Variants in MED12L observed in about 807,000 individuals in gnomAD.
MED12L encodes mediator complex subunit 12L, also known as mediator of RNA polymerase II transcription subunit 12-like protein.
Under a neutral mutation model 281.3 loss-of-function variants are expected in MED12L, and 60 were observed. The ratio of observed to expected loss-of-function variants is 0.21; its 90% confidence interval spans 0.17 to 0.26. The LOEUF is 0.26. Among genes scored for constraint, MED12L ranks in the 10% least tolerant of loss-of-function variants. The pLI is 1.00. For synonymous variants in MED12L, 974 were observed against 987.2 expected, an observed-to-expected ratio of 0.99 and a Z score of 0.25; for missense variants, 2,146 against 2,680.9, an observed-to-expected ratio of 0.80 and a Z score of 4.41.
chr3:151,158,640 GT>G (rs758691545), intron 6 of MED12L, 48 bp from the exon 7 acceptor site: 39 of 1,296,504 alleles, frequency 3.0e-5, no homozygotes, highest in Admixed American at 2.8e-4. Context: ...TGCCTTTTTT[GT>G]TTTTTTTCTT....
chr3:151,328,587 GT>G (rs1560033985), intron 16 of MED12L: 4 of 1,613,394 alleles, frequency 2.5e-6, no homozygotes, highest in Admixed American at 1.7e-5. Context: ...GCAAAAACAG[GT>G]TTTTTTAGAA....
chr3:151,165,835 T>A lies in MED12L; in HGVS notation c.1358-11T>A. ...GGCCTCATTAACCACTTGTTTAATT[T>A]CTGCCTATAGGGGTGACTATTAGTC... On this transcript the variant is annotated splice_polypyrimidine_tract_variant and intron_variant, in intron 10 of 44. Transcript: ENST00000687756. 1 of 1,607,976 alleles carries A rather than the reference T, an allele frequency of 6.2e-7. No individual in the cohort carries two copies.
intron 43 of MED12L, among the ~76,000 whole-genome samples, chr3:151,422,448 G>C (rs187981155): frequency 6.6e-6 from 1 of 152,058 alleles, no homozygotes; most frequent in Non-Finnish European, 1.5e-5. Context: ...CTTTGGCATC[G>C]CTCGGCCCGT....
At chr3:151,432,378 A>G (rs529246705) in intron 44 of MED12L, among the ~76,000 whole-genome samples, 1 of 152,302 alleles carries the variant, frequency 6.6e-6, no homozygotes, top group Admixed American at 6.5e-5. Flanking sequence ...TTTCTTACCA[A>G]TTATGTGTTA....
At chr3:151,423,435 T>C (rs1425539843) in intron 43 of MED12L, among the ~76,000 whole-genome samples, 1 of 152,090 alleles carries the variant, frequency 6.6e-6, no homozygotes, top group Non-Finnish European at 1.5e-5. Context: ...AGTTTTTCTG[T>C]GAAAAGAGCA....
chr3:151,329,161 C>T (rs1412989704), intron 16 of MED12L, among the ~76,000 whole-genome samples: 2 of 152,188 alleles, frequency 1.3e-5, no homozygotes, highest in Non-Finnish European at 2.9e-5. Flanking sequence ...AAGGAAAATA[C>T]TGTTTTCTGG....
rs1232768553 is a variant in MED12L at position 151,435,870 on chromosome 3, T to TAAAG, written c.*3069_*3072dup. 4.0e-5 allele frequency: 6 copies of TAAAG among 151,798 alleles called. No individual in the cohort carries two copies. Among genetic ancestry groups the TAAAG allele is most frequent in the South Asian group, 2.1e-4 (1 of 4,810 alleles). 9.4% of individuals were successfully genotyped at this position (151,798 alleles called of 1,614,324 possible). Reference sequence around the variant, plus strand: ...CCCTCCCAAGCATTTTCCCATCCCATAAAGAATTAATGAAATGAAATGCTT... The same window carrying TAAAG: ...CCCTCCCAAGCATTTTCCCATCCCATAAAGAAAGAATTAATGAAATGAAATGCTT... On this transcript the variant is annotated 3_prime_UTR_variant, in exon 45 of 45. Coordinates refer to ENST00000687756, the MANE Select transcript of MED12L (RefSeq NM_001393769.1).
chr3:151,318,614 T>C (rs182394894), intron 16 of MED12L, among the ~76,000 whole-genome samples: 25 of 152,288 alleles, frequency 1.6e-4, no homozygotes, highest in Non-Finnish European at 3.2e-4. Context: ...TGCAAAGAAC[T>C]TTGCTGCAAG....
intron 8 of MED12L, among the ~76,000 whole-genome samples, chr3:151,161,332 CAGTT>C (rs1719955446): frequency 6.6e-6 from 1 of 152,308 alleles, no homozygotes; most frequent in African/African-American, 2.4e-5. Flanking sequence ...TTTGGGCAGA[CAGTT>C]GGCTACTTGT....
chr3:151,296,948 G>C (rs1745183363), intron 16 of MED12L, among the ~76,000 whole-genome samples: 1 of 152,152 alleles, frequency 6.6e-6, no homozygotes, highest in Admixed American at 6.5e-5. Flanking sequence ...AGAGAAACAG[G>C]AAAGTTTTGA....
intron 39 of MED12L, among the ~76,000 whole-genome samples, chr3:151,402,737 T>A (rs1391135064): frequency 6.6e-6 from 1 of 152,240 alleles, no homozygotes; most frequent in Non-Finnish European, 1.5e-5. Context: ...TTTATCAGTG[T>A]TGCAGTCTGT....
chr3:151,390,574 A>G (rs1714075770), intron 38 of MED12L, among the ~76,000 whole-genome samples: 1 of 152,200 alleles, frequency 6.6e-6, no homozygotes, highest in Non-Finnish European at 1.5e-5. Context: ...TACCATAGTA[A>G]ATGTTCCTGA....
At chr3:151,141,189 T>TTGTTTGTTTTTTTTTTG (rs1553808534) in intron 5 of MED12L, among the ~76,000 whole-genome samples, 7 of 138,048 alleles carry the variant, frequency 5.1e-5, no homozygotes, top group African/African-American at 1.7e-4. Context: ...TTTTTTTTGT[T>TTGTTTGTTTTTTTTTTG]TTTTTTTTTT....
At position 151,365,092 on chromosome 3, in the gene MED12L, G is replaced by A. The variant is rs758782381; in HGVS notation, c.3071G>A (p.Arg1024His). 29 of 1,613,852 alleles carry A rather than the reference G, an allele frequency of 1.8e-5. No individual in the cohort carries two copies. The highest frequency in any genetic ancestry group is 2.3e-5 in the Non-Finnish European group (27 of 1,179,884). Residue 1024 changes from arginine to histidine, a missense_variant, in exon 22 of 45, where the codon CGC becomes CAC. Around this residue, in one of 9 missense-constraint regions of MED12L, gnomAD observed 404 missense variants for 603.5 expected, o/e 0.67. Coordinates refer to ENST00000687756, the MANE Select transcript of MED12L (RefSeq NM_001393769.1). ...GATTTTATTGAGAATCCCTCAGCCC[G>A]CAGCATCAACTACTCAATGCTGGGC... ...MMDFIENPSA[R>H]SINYSMLGKI...
chr3:151,290,948 A>C (rs1744173481), intron 16 of MED12L, among the ~76,000 whole-genome samples: 1 of 152,164 alleles, frequency 6.6e-6, no homozygotes, highest in South Asian at 2.1e-4. Flanking sequence ...TGAAAATCGA[A>C]AATGTTTGTT....
intron 16 of MED12L, chr3:151,326,367 A>G (rs1479605362): frequency 6.6e-6 from 1 of 152,660 alleles, no homozygotes; most frequent in Non-Finnish European, 1.5e-5. Flanking sequence ...CCTTTCAGAT[A>G]TATACATCAG....
intron 39 of MED12L, among the ~76,000 whole-genome samples, chr3:151,401,491 G>C (rs1047069528): frequency 7.9e-5 from 12 of 152,094 alleles, no homozygotes; most frequent in African/African-American, 2.9e-4. Flanking sequence ...TTCTCAATCA[G>C]AGCAGGTGAA....
intron 16 of MED12L, among the ~76,000 whole-genome samples, chr3:151,204,701 G>C (rs75222965): frequency 0.018 from 2,785 of 152,294 alleles, 88 homozygotes; most frequent in African/African-American, 0.064. Flanking sequence ...GGAGATGAAA[G>C]GGAGAGAATT....
intron 5 of MED12L, among the ~76,000 whole-genome samples, chr3:151,143,003 G>A (rs994261342): frequency 6.6e-5 from 10 of 152,138 alleles, no homozygotes; most frequent in Admixed American, 6.5e-4. Flanking sequence ...ATAAATTATA[G>A]TTGGAATGTC....
Sources: allele counts gnomAD v4.1 joint callset (sites outside exome capture counted in the v4.1 genomes callset), GRCh38; gene constraint gnomAD v4.1.1; regional missense constraint gnomAD v4.1.1; transcripts MANE v1.5; gene names NCBI Gene and HGNC (gene_info 2026-07-23, HGNC 2026-07-21).